TUSC3: variants seen among roughly 807,000 people sequenced by gnomAD.
TUSC3 encodes dolichyl-diphosphooligosaccharide--protein glycosyltransferase subunit TUSC3.
A neutral mutation model predicts 44.8 loss-of-function variants in TUSC3; 45 were observed. The ratio of observed to expected loss-of-function variants is 1.00; its 90% CI spans 0.79 to 1.29. The LOEUF is 1.29. TUSC3 is among the 50% of genes most tolerant of loss of function. The probability of loss-of-function intolerance (pLI) is 0.00; values close to 1 mark genes in which losing one functional copy is unlikely to be tolerated. For synonymous variants in TUSC3, 212 were observed against 152.9 expected (o/e 1.39, Z -2.85); for missense variants, 519 against 437.9 (o/e 1.19, Z -1.65).
intron 6 of TUSC3, among the ~76,000 whole-genome samples, chr8:15,677,353 T>C (rs552761133): frequency 6.6e-6 from 1 of 152,300 alleles, no homozygotes; most frequent in East Asian, 1.9e-4. Context: ...ATCTGTGACA[T>C]TTTATATGCT....
At chr8:15,581,861 C>CGGATGCTTT (rs1554517877) in intron 1 of TUSC3, among the ~76,000 whole-genome samples, 1 of 92,262 alleles carries the variant, frequency 1.1e-5, no homozygotes, top group Non-Finnish European at 2.1e-5. Flanking sequence ...TGGAGCTTCC[C>CGGATGCTTT]GTTTACCTAA....
At chr8:15,569,003 G>A (rs1802772492) in intron 1 of TUSC3, among the ~76,000 whole-genome samples, 1 of 151,990 alleles carries the variant, frequency 6.6e-6, no homozygotes, top group Admixed American at 6.6e-5. Context: ...ATATTGCCAA[G>A]TAGACCTGAT....
rs557925840 is a variant in TUSC3, at chr8:15,494,379, G to A, written n.189+10896G>A. On this transcript the variant is annotated intron_variant and non_coding_transcript_variant, in intron 2 of 5. Coordinates refer to the TUSC3 transcript ENST00000503191. ...GTCGCCCAGGCTGGAGTGCAGTGGC[G>A]CGATCTCGGCTCACTGCAGCCTCTG... is the stretch of plus-strand genomic sequence containing the variant. Among the ~76,000 whole-genome samples, 10 of 150,356 alleles carry A rather than the reference G, an allele frequency of 6.7e-5. No individual in the cohort carries two copies. In the South Asian group the frequency reaches 1.5e-3, roughly 22 times the overall value.
chr8:15,517,895 A>G (rs115329997), intron 2 of TUSC3, among the ~76,000 whole-genome samples: 2,336 of 152,006 alleles, frequency 0.015, 89 homozygotes, highest in Admixed American at 0.09. Context: ...AAATTGTACA[A>G]TTCAGTGGTT....
intron 2 of TUSC3, among the ~76,000 whole-genome samples, chr8:15,637,167 G>C (rs1474916075): frequency 6.6e-6 from 1 of 152,002 alleles, no homozygotes; most frequent in Non-Finnish European, 1.5e-5. Context: ...TCATTGTTTT[G>C]TTTTTCTACT....
intron 1 of TUSC3, among the ~76,000 whole-genome samples, chr8:15,582,175 G>A (rs563330761): frequency 2.0e-5 from 3 of 152,214 alleles, no homozygotes; most frequent in Non-Finnish European, 4.4e-5. Context: ...GCTCGCGCAT[G>A]GTGCGCGCAC....
chr8:15,554,586 T>G (rs1225607632), intron 1 of TUSC3, among the ~76,000 whole-genome samples: 1 of 149,750 alleles, frequency 6.7e-6, no homozygotes, highest in African/African-American at 2.4e-5. Flanking sequence ...TGTTGACTTT[T>G]GCATTTTACT....
intron 2 of TUSC3, among the ~76,000 whole-genome samples, chr8:15,648,268 A>C (rs115203764): frequency 0.022 from 3,344 of 152,058 alleles, 95 homozygotes; most frequent in African/African-American, 0.075. Context: ...TCTCTCTTTT[A>C]CTATCTTTAT....
At chr8:15,779,504 G>C in the TUSC3 span, among the ~76,000 whole-genome samples, 5 of 152,172 alleles carry the variant, frequency 3.3e-5, no homozygotes, top group African/African-American at 1.2e-4. Context: ...TATGGAAGCT[G>C]TCTAAACGTC....
intron 7 of TUSC3, among the ~76,000 whole-genome samples, chr8:15,740,798 A>G (rs1417410817): frequency 6.6e-6 from 1 of 152,144 alleles, no homozygotes; most frequent in Non-Finnish European, 1.5e-5. Flanking sequence ...CGTGGAGAAA[A>G]TATTGCACAT....
At chr8:15,616,330 C>A (rs75145472) in intron 1 of TUSC3, among the ~76,000 whole-genome samples, 1 of 152,020 alleles carries the variant, frequency 6.6e-6, no homozygotes, top group African/African-American at 2.4e-5. Flanking sequence ...GTAATCCCAG[C>A]ACTTTGGGAG....
intron 6 of TUSC3, among the ~76,000 whole-genome samples, chr8:15,726,829 A>G (rs990389504): frequency 6.6e-6 from 1 of 152,140 alleles, no homozygotes; most frequent in Non-Finnish European, 1.5e-5. Flanking sequence ...AAAAGAAAAG[A>G]AATATTCAAT....
chr8:15,661,486 A>G (rs768498598), intron 4 of TUSC3, among the ~76,000 whole-genome samples: 2 of 151,926 alleles, frequency 1.3e-5, no homozygotes, highest in African/African-American at 2.4e-5. Context: ...CTGCTCATGC[A>G]TCCTTGAGTA....
downstream of TUSC3, among the ~76,000 whole-genome samples, chr8:15,769,071 C>T (rs79093222): frequency 1.3e-5 from 2 of 152,198 alleles, no homozygotes; most frequent in South Asian, 4.1e-4. Context: ...TAGAAAGAAA[C>T]TACTTTAAAT....
At position 15,547,883 on chromosome 8, in the gene TUSC3, A is replaced by T. The variant is rs1434703933; in HGVS notation, c.138+7315A>T. Among the ~76,000 whole-genome samples, 6 of 151,790 alleles carry T rather than the reference A, an allele frequency of 4.0e-5. 2 individuals carry two copies. On this transcript the variant is annotated intron_variant, in intron 1 of 10. Coordinates refer to ENST00000503731, the MANE Select transcript of TUSC3 (RefSeq NM_006765.4). ...CTTTCAAATATCAAACTTGGTAGGTATCTTTACACGATTAACCAACATTTT... is the reference window on the plus strand; with the variant it reads ...CTTTCAAATATCAAACTTGGTAGGTTTCTTTACACGATTAACCAACATTTT...
intron 6 of TUSC3, 69 bp downstream of exon 6, chr8:15,673,905 G>A: frequency 2.2e-6 from 3 of 1,337,924 alleles, no homozygotes; most frequent in South Asian, 1.2e-5. Flanking sequence ...AAGAAATTAT[G>A]TTTAGTATTT....
chr8:15,442,140 A>AT (rs901511497), intron 1 of TUSC3, among the ~76,000 whole-genome samples: 7 of 151,716 alleles, frequency 4.6e-5, no homozygotes, highest in Admixed American at 2.0e-4. Flanking sequence ...GGATTTAGGG[A>AT]TTTTTTTTCT....
chr8:15,436,370 C>G (rs912407126), intron 1 of TUSC3, among the ~76,000 whole-genome samples: 9 of 152,274 alleles, frequency 5.9e-5, no homozygotes, highest in African/African-American at 2.2e-4. Context: ...GGCCAGTTAT[C>G]TTTTTAAATG....
chr8:15,475,162 C>T (rs940115784), intron 1 of TUSC3, among the ~76,000 whole-genome samples: 2 of 152,072 alleles, frequency 1.3e-5, no homozygotes, highest in African/African-American at 4.8e-5. Context: ...CACCTAAAGT[C>T]TTAAACTATC....
Sources: gnomAD v4.1 joint callset for allele counts (sites outside exome capture counted in the v4.1 genomes callset) on GRCh38, gnomAD v4.1.1 for gene constraint, MANE v1.5 for transcripts, NCBI Gene and HGNC (gene_info 2026-07-23, HGNC 2026-07-21) for gene names.